The following KHDRBS2 variants were observed in gnomAD, a reference collection of about 807,000 sequenced individuals.
The protein encoded by KHDRBS2 is KH RNA binding domain containing, signal transduction associated 2, also known as KH domain-containing, RNA-binding, signal transduction-associated protein 2.
In KHDRBS2, 26 loss-of-function variants were observed where a neutral mutation model predicts 44.3. That is an observed-to-expected ratio of 0.59 (90% CI 0.43 to 0.81). The LOEUF (loss-of-function observed/expected upper bound fraction) is 0.81. KHDRBS2 is among the 40% of genes least tolerant of loss of function. KHDRBS2 has a pLI of 0.00. For missense variants in KHDRBS2, 476 were observed against 433.1 expected (o/e 1.10, Z -0.88); for synonymous variants, 194 against 151.1 (o/e 1.28, Z -2.08).
chr6:61,556,944 C>T, the KHDRBS2 span, among the ~76,000 whole-genome samples: 3 of 127,414 alleles, frequency 2.4e-5, no homozygotes, highest in East Asian at 2.7e-4. Context: ...TCAATGACTA[C>T]CAATAAAGTT....
chr6:62,156,875 CG>C (rs1816542803), intron 2 of KHDRBS2, among the ~76,000 whole-genome samples: 1 of 139,072 alleles, frequency 7.2e-6, no homozygotes, highest in South Asian at 2.3e-4. Context: ...TTAGTAGAGA[CG>C]GGGTTTCACC....
intron 4 of KHDRBS2, among the ~76,000 whole-genome samples, chr6:61,907,091 C>A (rs1249041124): frequency 6.6e-6 from 1 of 152,028 alleles, no homozygotes; most frequent in Non-Finnish European, 1.5e-5. Flanking sequence ...TGGAGAAAAG[C>A]CATTTTGACT....
At chr6:61,644,559 C>G in the KHDRBS2 span, among the ~76,000 whole-genome samples, 22,317 of 152,042 alleles carry the variant, frequency 0.15, 2,094 homozygotes, top group South Asian at 0.27. Flanking sequence ...AAATTGTGCT[C>G]TGACAAAGGT....
rs184548087 is a variant in KHDRBS2, at chr6:61,824,314, G to A, written c.810+70321C>T. Among the ~76,000 whole-genome samples, 199 of 152,130 alleles carry A rather than the reference G, an allele frequency of 1.3e-3. 4 individuals carry two copies. Among genetic ancestry groups the A allele is most frequent in the Non-Finnish European group, 5.0e-4 (34 of 68,006 alleles). On this transcript the variant is annotated intron_variant, in intron 6 of 8. Coordinates refer to ENST00000281156, the MANE Select transcript of KHDRBS2 (RefSeq NM_152688.4). ...TGAACCATCCCCCTTGTGCTGTCTC[G>A]TGATAGAGTTCTCACAAAATGGGGT...
the KHDRBS2 span, among the ~76,000 whole-genome samples, chr6:61,569,211 C>T: frequency 4.6e-5 from 7 of 152,172 alleles, no homozygotes; most frequent in African/African-American, 1.7e-4. Flanking sequence ...AACCACCCTC[C>T]CGTTCCCCAC....
intron 6 of KHDRBS2, among the ~76,000 whole-genome samples, chr6:61,809,940 T>A (rs2127592302): frequency 6.6e-6 from 1 of 152,218 alleles, no homozygotes; most frequent in Admixed American, 6.6e-5. Context: ...ATATATCGCT[T>A]TTAGCAGTAT....
chr6:61,747,128 A>T (rs116359166), intron 6 of KHDRBS2, among the ~76,000 whole-genome samples: 4,821 of 152,116 alleles, frequency 0.032, 248 homozygotes, highest in African/African-American at 0.11. Flanking sequence ...AAACATATGA[A>T]AAAAAAAGCT....
intron 3 of KHDRBS2, among the ~76,000 whole-genome samples, chr6:62,000,480 A>T (rs1333856395): frequency 6.6e-6 from 1 of 152,222 alleles, no homozygotes; most frequent in Non-Finnish European, 1.5e-5. Flanking sequence ...TCTACAATTA[A>T]ACTGAAAATT....
At chr6:61,840,009 T>C (rs1793352621) in intron 6 of KHDRBS2, among the ~76,000 whole-genome samples, 1 of 152,100 alleles carries the variant, frequency 6.6e-6, no homozygotes, top group Non-Finnish European at 1.5e-5. Context: ...TTCAGTAAAA[T>C]AATCTATTCA....
chr6:61,633,268 A>G, the KHDRBS2 span, among the ~76,000 whole-genome samples: 1 of 152,114 alleles, frequency 6.6e-6, no homozygotes, highest in Non-Finnish European at 1.5e-5. Context: ...TACTCTCGAA[A>G]TATGAAATGT....
intron 1 of KHDRBS2, among the ~76,000 whole-genome samples, chr6:62,179,324 C>T (rs910474672): frequency 1.8e-4 from 27 of 151,616 alleles, no homozygotes; most frequent in African/African-American, 6.0e-4. Context: ...AGTTATATGT[C>T]TATAATTTCT....
intron 1 of KHDRBS2, among the ~76,000 whole-genome samples, chr6:62,217,516 A>T (rs1214051405): frequency 6.6e-6 from 1 of 151,906 alleles, no homozygotes; most frequent in Non-Finnish European, 1.5e-5. Context: ...TTGGTAATAC[A>T]ATATGGTAAA....
At chr6:61,826,675 C>T (rs1269420055) in intron 6 of KHDRBS2, among the ~76,000 whole-genome samples, 1 of 151,990 alleles carries the variant, frequency 6.6e-6, no homozygotes, top group African/African-American at 2.4e-5. Flanking sequence ...ACCTTTTTGG[C>T]CTCTAAAGAA....
At chr6:61,702,654 A>T (rs898474118) in intron 7 of KHDRBS2, among the ~76,000 whole-genome samples, 20 of 151,978 alleles carry the variant, frequency 1.3e-4, no homozygotes, top group South Asian at 6.2e-4. Context: ...TGTTTATAGA[A>T]CTTTGTGTAT....
chr6:62,276,931 C>G (rs554802520), intron 1 of KHDRBS2, among the ~76,000 whole-genome samples: 29 of 152,250 alleles, frequency 1.9e-4, no homozygotes, highest in South Asian at 6.2e-4. Flanking sequence ...ATTAATTTAT[C>G]TAAGCCTTAA....
intron 4 of KHDRBS2, among the ~76,000 whole-genome samples, chr6:61,964,538 A>G (rs938077413): frequency 4.6e-5 from 7 of 152,106 alleles, no homozygotes; most frequent in African/African-American, 7.2e-5. Flanking sequence ...TTTTTAATTT[A>G]TGAAAGCAAA....
intron 1 of KHDRBS2, among the ~76,000 whole-genome samples, chr6:62,238,104 C>A (rs575982648): frequency 6.6e-6 from 1 of 150,970 alleles, no homozygotes; most frequent in Non-Finnish European, 1.5e-5. Flanking sequence ...GCAAAGATAG[C>A]GCTTAAAAAT....
chr6:62,070,999 CTGT>C lies in KHDRBS2; in HGVS notation c.220-23008_220-23006del, dbSNP rs897434933. Among the ~76,000 whole-genome samples, 188 of 152,260 alleles carry C rather than the reference CTGT, an allele frequency of 1.2e-3. 1 individual carries two copies. Among genetic ancestry groups the C allele is most frequent in the African/African-American group, 4.1e-3 (172 of 41,544 alleles). On this transcript the variant is annotated intron_variant, in intron 2 of 8. Transcript: ENST00000281156. Reference sequence around the variant, plus strand: ...TATTTCTCCACATCCTCTCCAGCACCTGTTGTTTCCTGAATTTTTAATGATCGC... The same window carrying C: ...TATTTCTCCACATCCTCTCCAGCACCTGTTTCCTGAATTTTTAATGATCGC...
chr6:61,906,479 T>G (rs1034629513), intron 4 of KHDRBS2, among the ~76,000 whole-genome samples: 1 of 152,082 alleles, frequency 6.6e-6, no homozygotes, highest in African/African-American at 2.4e-5. Context: ...TGCTACCAAA[T>G]ACTAGATCTT....
Sources: allele counts gnomAD v4.1 joint callset (sites outside exome capture counted in the v4.1 genomes callset), GRCh38; gene constraint gnomAD v4.1.1; transcripts MANE v1.5; gene names NCBI Gene and HGNC (gene_info 2026-07-23, HGNC 2026-07-21).